The following TRPM6 variants were observed in gnomAD, a reference collection of about 807,000 sequenced individuals.
TRPM6 encodes the protein channel kinase 2.
A neutral mutation model predicts 247.6 loss-of-function variants in TRPM6; 111 were observed. The ratio of observed to expected loss-of-function variants is 0.45; its 90% CI spans 0.38 to 0.52. The LOEUF (loss-of-function observed/expected upper bound fraction) is 0.52. Among genes scored for constraint, TRPM6 ranks in the 20% least tolerant of loss-of-function variants. The pLI is 0.00. For synonymous variants in TRPM6, 892 were observed against 853.8 expected (o/e 1.04, Z -0.78); for missense variants, 2,126 against 2,421.5 (o/e 0.88, Z 2.56).
intron 23 of TRPM6, among the ~76,000 whole-genome samples, chr9:74,780,433 G>A (rs1277603264): frequency 6.7e-6 from 1 of 148,788 alleles, no homozygotes; most frequent in Non-Finnish European, 1.5e-5. Context: ...TAGCCTGGGT[G>A]ACAAAAGTGA....
intron 31 of TRPM6, among the ~76,000 whole-genome samples, chr9:74,746,261 T>C (rs1215089734): frequency 6.6e-6 from 1 of 151,312 alleles, no homozygotes; most frequent in African/African-American, 2.4e-5. Context: ...AATGGTGTTA[T>C]GTGGAAATGG....
chr9:74,785,820 G>A lies in TRPM6; in HGVS notation c.2919+54C>T, dbSNP rs2118943234. The A allele has an allele frequency of 1.9e-6, 3 of 1,608,222 alleles. No individual in the cohort carries two copies. In the East Asian group the frequency reaches 6.7e-5, roughly 36 times the overall value. On this transcript the variant is annotated intron_variant, in intron 21 of 38. Transcript: ENST00000360774. ...TTACAGGTGTGAGCCACCACACCTG[G>A]CTAAAAATAATTTTAAAAAAGAATA...
intron 1 of TRPM6, among the ~76,000 whole-genome samples, chr9:74,884,504 T>TATACATAC (rs4013871): frequency 0.24 from 36,101 of 147,822 alleles, 4,576 homozygotes; most frequent in South Asian, 0.34. Context: ...TAAATACATA[T>TATACATAC]ATACATACAT....
chr9:74,748,300 CTA>C (rs1826119027), intron 30 of TRPM6, among the ~76,000 whole-genome samples: 1 of 152,198 alleles, frequency 6.6e-6, no homozygotes, highest in South Asian at 2.1e-4. Flanking sequence ...TGATGGATGA[CTA>C]TGTTACAGGT....
At chr9:74,887,297 G>C in intron 1 of TRPM6, 1 of 1,363,688 alleles carries the variant, frequency 7.3e-7, no homozygotes, top group East Asian at 2.7e-5. Context: ...GGGACGCGCA[G>C]GGGCGCGGAG....
Position 74,800,329 on chromosome 9 carries a change from T to C in TRPM6, c.2163A>G (p.Ser721=), listed in dbSNP as rs779264714. 6.2e-7 allele frequency: 1 copy of C among 1,614,122 alleles called. No individual in the cohort carries two copies. The highest frequency in any genetic ancestry group is 8.5e-7 in the Non-Finnish European group (1 of 1,180,034). ...AVSGGLRPFV[S]HTCTQMLLTD... ...TCAGTAGCATCTGGGTACAAGTATG[T>C]GAAACAAAGGGTCGTAATCCTCCCG... Residue 721 remains serine (S), a synonymous_variant, in exon 17 of 39, where the codon TCA becomes TCG. Coordinates refer to ENST00000360774, the MANE Select transcript of TRPM6 (RefSeq NM_017662.5).
chr9:74,868,110 C>T (rs1419373194), intron 1 of TRPM6, among the ~76,000 whole-genome samples: 5 of 146,488 alleles, frequency 3.4e-5, no homozygotes, highest in South Asian at 2.2e-4. Context: ...GCTGAGATTG[C>T]ACCCCTGTAC....
chr9:74,763,286 A>G (rs1587480693), intron 25 of TRPM6, 152 bp from the exon 26 acceptor site: 2 of 758,384 alleles, frequency 2.6e-6, no homozygotes, highest in African/African-American at 3.4e-5. Flanking sequence ...CGCCCAATAC[A>G]TAACTCTCAA....
At chr9:74,747,612 G>A (rs1296792822) in intron 31 of TRPM6, among the ~76,000 whole-genome samples, 1 of 152,174 alleles carries the variant, frequency 6.6e-6, no homozygotes, top group Non-Finnish European at 1.5e-5. Context: ...GAGTTGGTGA[G>A]CAAAATGAGC....
At chr9:74,755,969 C>T (rs1040982658) in intron 27 of TRPM6, among the ~76,000 whole-genome samples, 4 of 152,196 alleles carry the variant, frequency 2.6e-5, no homozygotes, top group Admixed American at 6.5e-5. Context: ...TGTCTCTGAG[C>T]CCCTTTTCCT....
intron 3 of TRPM6, among the ~76,000 whole-genome samples, chr9:74,849,228 G>A (rs989680433): frequency 2.0e-5 from 3 of 151,840 alleles, no homozygotes; most frequent in South Asian, 2.1e-4. Context: ...GCAGGTGCCT[G>A]TAATCCCAGC....
At chr9:74,839,293 C>G (rs963609266) in intron 5 of TRPM6, among the ~76,000 whole-genome samples, 1 of 152,044 alleles carries the variant, frequency 6.6e-6, no homozygotes, top group Non-Finnish European at 1.5e-5. Flanking sequence ...CCCAGGTTGT[C>G]CTTATGTGCA....
chr9:74,810,947 A>C (rs867693151), intron 12 of TRPM6, 79 bp from the exon 13 acceptor site: 24 of 1,119,416 alleles, frequency 2.1e-5, no homozygotes, highest in Non-Finnish European at 2.0e-5. Context: ...TTCAGAATGC[A>C]TAAGTAACTG....
At position 74,762,776 on chromosome 9, in the gene TRPM6, C is replaced by G. The variant is rs776322284; in HGVS notation, c.3895G>C (p.Ala1299Pro). 2.5e-6 allele frequency: 4 copies of G among 1,614,024 alleles called. No homozygotes were observed. The Admixed American group carries it at 5.0e-5, about 20-fold the overall frequency. Residue 1299 changes from alanine to proline, a missense_variant, in exon 26 of 39, where the codon GCA (alanine) becomes CCA (proline). By Grantham distance (27) the Ala-to-Pro change is conservative. This residue lies in a region of TRPM6 where 717 missense variants were observed against 715.9 expected (regional missense o/e 1.00). Transcript: ENST00000360774. ...GRHPPRVQRG[A>P]LLEITNSKRE... The stretch of plus-strand genomic sequence containing the variant: ...TTACTGTTTGTAATCTCAAGAAGTG[C>G]CCCCCTCTGCACTCTTGGGGGATGC...
At chr9:74,741,252 A>C (rs533612304) in intron 33 of TRPM6, among the ~76,000 whole-genome samples, 1 of 152,214 alleles carries the variant, frequency 6.6e-6, no homozygotes, top group East Asian at 1.9e-4. Context: ...TAACAGAGCA[A>C]CATAATCTAT....
At chr9:74,813,889 G>A (rs1203528770) in intron 11 of TRPM6, among the ~76,000 whole-genome samples, 1 of 152,186 alleles carries the variant, frequency 6.6e-6, no homozygotes, top group Non-Finnish European at 1.5e-5. Context: ...CTGTGGTCAG[G>A]AGTTCGAAAC....
At chr9:74,764,812 C>G (rs1826772177) in intron 25 of TRPM6, among the ~76,000 whole-genome samples, 1 of 152,066 alleles carries the variant, frequency 6.6e-6, no homozygotes, top group Non-Finnish European at 1.5e-5. Context: ...GCATTGATAT[C>G]TCTTGATTAA....
chr9:74,740,192 T>G (rs563885596), intron 33 of TRPM6, among the ~76,000 whole-genome samples, 183 bp from the exon 34 acceptor site: 1 of 152,330 alleles, frequency 6.6e-6, no homozygotes, highest in South Asian at 2.1e-4. Context: ...TGTTATTTAT[T>G]GTCTAGTAGA....
At position 74,738,621 on chromosome 9, in the gene TRPM6, G is replaced by A; in HGVS notation, c.5571-9C>T. On this transcript the variant is annotated splice_polypyrimidine_tract_variant and intron_variant, in intron 35 of 38. Transcript: ENST00000360774. Reference sequence around the variant, plus strand: ...AGAAAACTTCCAGGAACCTGTTAGGGAAAAAGAGGCCATTGATCCCCCACA... The same window carrying A: ...AGAAAACTTCCAGGAACCTGTTAGGAAAAAAGAGGCCATTGATCCCCCACA... 1 of 1,613,444 alleles carries A rather than the reference G, an allele frequency of 6.2e-7. No individual in the cohort carries two copies.
Sources: allele counts gnomAD v4.1 joint callset (sites outside exome capture counted in the v4.1 genomes callset), GRCh38; gene constraint gnomAD v4.1.1; regional missense constraint gnomAD v4.1.1; transcripts MANE v1.5; gene names NCBI Gene and HGNC (gene_info 2026-07-23, HGNC 2026-07-21).